The following SMO variants were observed in gnomAD, a reference collection of about 807,000 sequenced individuals.
SMO encodes smoothened, frizzled class receptor.
A neutral mutation model predicts 81.6 loss-of-function variants in SMO; 40 were observed. The observed-to-expected ratio is 0.49, with a 90% confidence interval of 0.38 to 0.64. The LOEUF is 0.64. Among genes scored for constraint, SMO ranks in the 30% least tolerant of loss-of-function variants. The pLI, the probability that SMO is intolerant of heterozygous loss-of-function variation, is 0.00. For missense variants in SMO, 916 were observed against 1,061.1 expected (o/e 0.86, Z 1.90); for synonymous variants, 434 against 432.1 (o/e 1.00, Z -0.05).
intron 1 of SMO, among the ~76,000 whole-genome samples, chr7:129,193,804 A>ATATATATATG (rs1793523734): frequency 1.8e-5 from 2 of 111,128 alleles, no homozygotes; most frequent in African/African-American, 7.1e-5. Flanking sequence ...ATATATATAT[A>ATATATATATG]TATATATATA....
intron 1 of SMO, among the ~76,000 whole-genome samples, chr7:129,193,814 A>ATG (rs1793524260): frequency 1.8e-5 from 2 of 112,980 alleles, no homozygotes; most frequent in Admixed American, 1.0e-4. Context: ...ATATATATAT[A>ATG]TATGTATAGG....
chr7:129,195,906 C>T (rs948418341), intron 1 of SMO, among the ~76,000 whole-genome samples: 12 of 152,100 alleles, frequency 7.9e-5, no homozygotes, highest in Admixed American at 3.3e-4. Context: ...TCGAGACCAT[C>T]CTGGCTAACA....
chr7:129,193,785 A>AAAAAAAAAAG (rs1563145734), intron 1 of SMO, among the ~76,000 whole-genome samples: 1 of 26,348 alleles, frequency 3.8e-5, no homozygotes, highest in Non-Finnish European at 6.3e-5. Flanking sequence ...AAAAAAAAAA[A>AAAAAAAAAAG]ATATATATAT....
In SMO at chr7:129,189,309, C is replaced by T. The variant is rs897183640; in HGVS notation, c.158C>T (p.Ala53Val). 4 of 1,477,346 alleles carry T rather than the reference C, an allele frequency of 2.7e-6. No individual in the cohort carries two copies. In the South Asian group the frequency reaches 3.9e-5, roughly 14 times the overall value. The allele number at this position is 1,477,346 out of a possible 1,614,324, so 91.5% of individuals were successfully genotyped here. The change falls in exon 1 of 12, where the codon GCG becomes GTG. Residue 53 changes from alanine to valine, a missense_variant. This residue lies in a region of SMO where 146 missense variants were observed against 149.9 expected (regional missense o/e 0.97). Coordinates refer to ENST00000249373, the MANE Select transcript of SMO (RefSeq NM_005631.5). This position sits in a 1 kb window ranked among gnomAD's most constrained non-coding sequence, Gnocchi z 4.7. ...GGCGGGAGCGCGAGGAGGAGCGCGG[C>T]GGTGACTGGCCCTCCGCCGCCGCTG... ...SAGGSARRSA[A>V]VTGPPPPLSH...
rs989530778 is a variant in SMO at position 129,189,222 on chromosome 7, G to T, written c.71G>T (p.Gly24Val). The T allele has an allele frequency of 8.6e-7, 1 of 1,162,828 alleles. No individual in the cohort carries two copies. Among genetic ancestry groups the T allele is most frequent in the Non-Finnish European group, 1.1e-6 (1 of 926,490 alleles). The allele number at this position is 1,162,828 out of a possible 1,614,324, so 72.0% of individuals were successfully genotyped here. A position where few individuals can be genotyped will look rare whatever the true frequency, so the allele number is the denominator to read the frequency against. ...GGGCTGCTGCTGCTGCTGCTGCTGGGGGACCCGGGCCGGGGGGCGGCCTCG... is the reference window on the plus strand; with the variant it reads ...GGGCTGCTGCTGCTGCTGCTGCTGGTGGACCCGGGCCGGGGGGCGGCCTCG... Reference protein sequence around the residue: ...LLGLLLLLLLGDPGRGAASSG... With the variant: ...LLGLLLLLLLVDPGRGAASSG... Residue 24 changes from glycine to valine, a missense_variant, in exon 1 of 12, where the codon GGG becomes GTG. Gly to Val is a moderately radical substitution (Grantham distance 109). Around this residue, in one of 4 missense-constraint regions of SMO, gnomAD observed 146 missense variants for 149.9 expected, o/e 0.97. Coordinates refer to ENST00000249373, the MANE Select transcript of SMO (RefSeq NM_005631.5). This position sits in a 1 kb window ranked among gnomAD's most constrained non-coding sequence, Gnocchi z 4.7.
At chr7:129,199,729 C>T (rs981513706) in intron 1 of SMO, among the ~76,000 whole-genome samples, 1 of 151,550 alleles carries the variant, frequency 6.6e-6, no homozygotes, top group African/African-American at 2.4e-5. Context: ...AGTGTGAGAC[C>T]CTATCTCAAA....
chr7:129,195,111 T>G (rs59342292), intron 1 of SMO, among the ~76,000 whole-genome samples: 17,587 of 152,250 alleles, frequency 0.12, 1,253 homozygotes, highest in African/African-American at 0.2. Context: ...CCCATTTTAT[T>G]GTCATCTCAA....
rs1215570161 is a variant in SMO at position 129,208,941 on chromosome 7, G to A, written c.1357+90G>A. 3.4e-6 allele frequency: 3 copies of A among 873,532 alleles called. No individual in the cohort carries two copies. Among genetic ancestry groups the A allele is most frequent in the East Asian group, 2.6e-5 (1 of 38,540 alleles). The allele number at this position is 873,532 out of a possible 1,614,324, so 54.1% of individuals were successfully genotyped here. A position where few individuals can be genotyped will look rare whatever the true frequency, so the allele number is the denominator to read the frequency against. On this transcript the variant is annotated intron_variant, in intron 7 of 11. Coordinates refer to ENST00000249373, the MANE Select transcript of SMO (RefSeq NM_005631.5). The surrounding 1 kb of genome is among the most constrained non-coding windows in gnomAD (Gnocchi z 5.2). ...CTATGCGACCGGCAGGATGCAGTAA[G>A]TCAGTGGGACAAGTTAGCCATAGGG...
chr7:129,199,505 C>T (rs1793633735), intron 1 of SMO, among the ~76,000 whole-genome samples: 1 of 152,050 alleles, frequency 6.6e-6, no homozygotes, highest in Non-Finnish European at 1.5e-5. Flanking sequence ...TTTTAAAGGC[C>T]ATTAAATGGC....
At position 129,210,899 on chromosome 7, in the gene SMO, C is replaced by T; in HGVS notation, c.1653-66C>T. The stretch of plus-strand genomic sequence containing the variant: ...CTCTGGAAAGAATGGCATCGCTGGC[C>T]CTTCCCAAGATTTGATGGGAAGTGG... On this transcript the variant is annotated intron_variant, in intron 9 of 11. Coordinates refer to ENST00000249373, the MANE Select transcript of SMO (RefSeq NM_005631.5). The surrounding 1 kb of genome is among the most constrained non-coding windows in gnomAD (Gnocchi z 4.7). 1.3e-6 allele frequency: 2 copies of T among 1,514,072 alleles called. No individual in the cohort carries two copies. Among genetic ancestry groups the T allele is most frequent in the Non-Finnish European group, 1.8e-6 (2 of 1,120,842 alleles). 93.8% of individuals were successfully genotyped at this position (1,514,072 alleles called of 1,614,324 possible). A position where few individuals can be genotyped will look rare whatever the true frequency, so the allele number is the denominator to read the frequency against.
rs1793880760 is a variant in SMO at position 129,212,080 on chromosome 7, C to T, written c.1993C>T (p.Leu665=). The part of the protein sequence containing the change: ...WLVEAEISPE[L]QKRLGRKKKR... ...GGTTGAGGCAGAGATCTCCCCAGAGCTGCAGAAGCGCCTGGGCCGGAAGAA... is the reference window on the plus strand; with the variant it reads ...GGTTGAGGCAGAGATCTCCCCAGAGTTGCAGAAGCGCCTGGGCCGGAAGAA... The change falls in exon 12 of 12, where the codon CTG becomes TTG. Residue 665 remains leucine (L), a synonymous_variant. Transcript: ENST00000249373. The surrounding 1 kb of genome is among the most constrained non-coding windows in gnomAD (Gnocchi z 5.0). The T allele has an allele frequency of 6.3e-7, 1 of 1,587,352 alleles. No homozygotes were observed. The highest frequency in any genetic ancestry group is 1.3e-5 in the African/African-American group (1 of 74,394).
chr7:129,189,554 A>C lies in SMO; in HGVS notation c.331+72A>C. The stretch of plus-strand genomic sequence containing the variant: ...AGATGGGGGCACCCTTGGAAAGAAC[A>C]GGCTCAGGCCTGAGTTTTGGAGAGG... On this transcript the variant is annotated intron_variant, in intron 1 of 11. Coordinates refer to ENST00000249373, the MANE Select transcript of SMO (RefSeq NM_005631.5). This position sits in a 1 kb window ranked among gnomAD's most constrained non-coding sequence, Gnocchi z 4.7. 6.7e-7 allele frequency: 1 copy of C among 1,492,790 alleles called. No individual in the cohort carries two copies. Among genetic ancestry groups the C allele is most frequent in the Non-Finnish European group, 9.0e-7 (1 of 1,113,046 alleles). 92.5% of individuals were successfully genotyped at this position (1,492,790 alleles called of 1,614,324 possible).
chr7:129,210,548 G>A lies in SMO; in HGVS notation c.1652G>A (p.Arg551Lys), dbSNP rs1274560943. Residue 551 changes from arginine (R) to lysine (K), a missense_variant and splice_region_variant, in exon 9 of 12, where the codon AGG (arginine) becomes AAG (lysine). Transcript: ENST00000249373. The surrounding 1 kb of genome is among the most constrained non-coding windows in gnomAD (Gnocchi z 4.7). Reference protein sequence around the residue: ...TLLIWRRTWCRLTGQSDDEPK... With the variant: ...TLLIWRRTWCKLTGQSDDEPK... ...CTCATCTGGAGGCGTACCTGGTGCA[G>A]GTGGGCATGGCAGCCAGCCCCTCCT... 2 of 1,612,468 alleles carry A rather than the reference G, an allele frequency of 1.2e-6. No homozygotes were observed. Among genetic ancestry groups the A allele is most frequent in the Non-Finnish European group, 1.7e-6 (2 of 1,178,762 alleles).
In SMO at chr7:129,205,797, G is replaced by T. The variant is rs1793755556; in HGVS notation, c.920+15G>T. 6.3e-7 allele frequency: 1 copy of T among 1,598,152 alleles called. No individual in the cohort carries two copies. The highest frequency in any genetic ancestry group is 1.3e-5 in the African/African-American group (1 of 74,820). ...GGGGAGCCCACGTAGGTGTCTTGGGGACCCAGAGGTGAAGGTACAGGGAGG... is the reference window on the plus strand; with the variant it reads ...GGGGAGCCCACGTAGGTGTCTTGGGTACCCAGAGGTGAAGGTACAGGGAGG... On this transcript the variant is annotated intron_variant, in intron 4 of 11. Transcript: ENST00000249373.
chr7:129,205,231 G>C lies in SMO; in HGVS notation c.566G>C (p.Ser189Thr), dbSNP rs781705771. ...GAGGTGCAGAACATCAAGTTCAACA[G>C]TTCAGGCCAGTGCGAAGTGCCCTTG... Reference protein sequence around the residue: ...TNEVQNIKFNSSGQCEVPLVR... With the variant: ...TNEVQNIKFNTSGQCEVPLVR... Residue 189 changes from serine (S) to threonine (T), a missense_variant, in exon 3 of 12, where the codon AGT (serine) becomes ACT (threonine). Ser to Thr is a moderately conservative substitution (Grantham distance 58). Around this residue, in one of 4 missense-constraint regions of SMO, gnomAD observed 436 missense variants for 570.9 expected, o/e 0.76. Coordinates refer to ENST00000249373, the MANE Select transcript of SMO (RefSeq NM_005631.5). The C allele has an allele frequency of 1.9e-6, 3 of 1,614,180 alleles. No individual in the cohort carries two copies. The highest frequency in any genetic ancestry group is 2.5e-6 in the Non-Finnish European group (3 of 1,180,034).
chr7:129,189,070 C>T lies in SMO; in HGVS notation c.-82C>T. 2.5e-6 allele frequency: 3 copies of T among 1,182,374 alleles called. No individual in the cohort carries two copies. The highest frequency in any genetic ancestry group is 8.6e-5 in the South Asian group (2 of 23,356). The allele number at this position is 1,182,374 out of a possible 1,614,324, so 73.2% of individuals were successfully genotyped here. ...AGGTCGCCTGAGCCGCCTCCGCGGC[C>T]GCCGAGGTCGTGCGTGTGGCCGGGG... is the stretch of plus-strand genomic sequence containing the variant. On this transcript the variant is annotated 5_prime_UTR_variant, in exon 1 of 12. Coordinates refer to ENST00000249373, the MANE Select transcript of SMO (RefSeq NM_005631.5). This position sits in a 1 kb window ranked among gnomAD's most constrained non-coding sequence, Gnocchi z 4.7.
At chr7:129,199,475 A>C (rs1393009042) in intron 1 of SMO, among the ~76,000 whole-genome samples, 1 of 152,114 alleles carries the variant, frequency 6.6e-6, no homozygotes, top group Middle Eastern at 3.2e-3. Context: ...AGCCACCACC[A>C]TGCTCAGCCT....
chr7:129,193,447 G>T (rs1793507902), intron 1 of SMO, among the ~76,000 whole-genome samples: 1 of 151,992 alleles, frequency 6.6e-6, no homozygotes, highest in Non-Finnish European at 1.5e-5. Context: ...AACTTGGCTG[G>T]TAATCAGAGT....
chr7:129,198,785 C>T (rs541808506), intron 1 of SMO, among the ~76,000 whole-genome samples: 30 of 152,336 alleles, frequency 2.0e-4, no homozygotes, highest in Middle Eastern at 3.4e-3. Flanking sequence ...GTAGGCTATA[C>T]CATCCAGGTT....
Sources: gnomAD v4.1 joint callset for allele counts (sites outside exome capture counted in the v4.1 genomes callset) on GRCh38, gnomAD v4.1.1 for gene constraint, gnomAD v4.1.1 regional missense constraint, Gnocchi (gnomAD v3.1) non-coding constraint, MANE v1.5 for transcripts, NCBI Gene and HGNC (gene_info 2026-07-23, HGNC 2026-07-21) for gene names.